The following TMTC4 variants were observed in gnomAD, a reference collection of about 807,000 sequenced individuals.
TMTC4 encodes the protein transmembrane O-mannosyltransferase targeting cadherins 4.
In TMTC4, 65 loss-of-function variants were observed where a neutral mutation model predicts 86.0. The observed-to-expected ratio is 0.76, with a 90% CI of 0.62 to 0.93. The LOEUF is 0.93. TMTC4 is among the 40% of genes least tolerant of loss of function. The probability of loss-of-function intolerance (pLI) is 0.00; values close to 1 mark genes in which losing one functional copy is unlikely to be tolerated. For synonymous variants in TMTC4, 379 were observed against 382.5 expected (o/e 0.99, Z 0.11); for missense variants, 866 against 948.1 (o/e 0.91, Z 1.14).
At chr13:100,637,453 G>T in intron 9 of TMTC4, 85 bp downstream of exon 9, 2 of 1,507,348 alleles carry the variant, frequency 1.3e-6, no homozygotes, top group Non-Finnish European at 1.8e-6. Context: ...GCGTGCAGAG[G>T]AGTGAGACGA....
At chr13:100,674,687 C>A (rs1887618223) in intron 1 of TMTC4, 57 bp downstream of exon 1, 5 of 983,270 alleles carry the variant, frequency 5.1e-6, no homozygotes, top group Non-Finnish European at 6.0e-6. Context: ...CGCTCCGCGT[C>A]CAACTCCGCT....
chr13:100,630,685 C>T (rs570996686), intron 12 of TMTC4, among the ~76,000 whole-genome samples: 6 of 152,282 alleles, frequency 3.9e-5, no homozygotes, highest in South Asian at 2.1e-4. Flanking sequence ...GACATCAACA[C>T]GACGCCCGCC....
At chr13:100,656,180 G>C (rs1216724704) in intron 6 of TMTC4, among the ~76,000 whole-genome samples, 1 of 152,222 alleles carries the variant, frequency 6.6e-6, no homozygotes, top group Non-Finnish European at 1.5e-5. Context: ...GTGAACACCA[G>C]TGTCAGAGCT....
intron 9 of TMTC4, among the ~76,000 whole-genome samples, chr13:100,637,309 CCTT>C (rs2138880472): frequency 6.6e-6 from 1 of 152,264 alleles, no homozygotes; most frequent in Non-Finnish European, 1.5e-5. Flanking sequence ...CCTCTTTACT[CCTT>C]GTTAGAACGG....
rs952082666 is a variant in TMTC4, at chr13:100,612,533, T to C, written c.1952-23A>G. ...TACCTGGGAGTGAAAAATGGAAAAA[T>C]AAAAGACATGTTAATGTTGTACTCG... On this transcript the variant is annotated intron_variant, in intron 16 of 18. Coordinates refer to ENST00000342624, the MANE Select transcript of TMTC4 (RefSeq NM_032813.5). The C allele has an allele frequency of 5.1e-6, 8 of 1,567,932 alleles. No individual in the cohort carries two copies. The Admixed American group carries it at 8.5e-5, about 17-fold the overall frequency.
At chr13:100,619,219 C>T (rs1297577955) in intron 15 of TMTC4, among the ~76,000 whole-genome samples, 3 of 151,920 alleles carry the variant, frequency 2.0e-5, no homozygotes, top group East Asian at 3.9e-4. Flanking sequence ...GGCAGAGGGG[C>T]TCCTCACTTC....
At chr13:100,641,997 G>A (rs562851939) in intron 7 of TMTC4, among the ~76,000 whole-genome samples, 160 of 152,268 alleles carry the variant, frequency 1.1e-3, no homozygotes, top group African/African-American at 3.6e-3. Flanking sequence ...CTCCCCAGTT[G>A]CACATGACTG....
chr13:100,641,844 T>C lies in TMTC4; in HGVS notation c.741+367A>G, dbSNP rs59593564. On this transcript the variant is annotated intron_variant, in intron 7 of 18. Coordinates refer to ENST00000342624, the MANE Select transcript of TMTC4 (RefSeq NM_032813.5). ...TTTCTAGATCCAGGATCAAAACCAT[T>C]GATGAGGTCAGTCCTAGGTGATCTA... is the stretch of plus-strand genomic sequence containing the variant. 4.3e-3 allele frequency among the ~76,000 whole-genome samples: 661 copies of C among 152,262 alleles called. 7 individuals are homozygous for C. The highest frequency in any genetic ancestry group is 0.015 in the African/African-American group (642 of 41,534).
At chr13:100,650,244 ATT>A (rs1413203489) in intron 6 of TMTC4, among the ~76,000 whole-genome samples, 2 of 152,218 alleles carry the variant, frequency 1.3e-5, no homozygotes, top group African/African-American at 4.8e-5. Flanking sequence ...GTTTCAGTAT[ATT>A]GTCTCTAGCA....
intron 5 of TMTC4, among the ~76,000 whole-genome samples, chr13:100,658,950 GT>G (rs1342620057): frequency 6.6e-5 from 10 of 152,198 alleles, no homozygotes; most frequent in African/African-American, 2.4e-4. Context: ...TCCAATCACT[GT>G]TTGAGAATGT....
Position 100,670,552 on chromosome 13 carries a change from C to T in TMTC4, c.-190G>A, listed in dbSNP as rs534959490. On this transcript the variant is annotated 5_prime_UTR_variant, in exon 2 of 19. Transcript: ENST00000342624. ...TTTCCAGTCAAAGGATAAACCACTT[C>T]TCGAATCTAAATTACAACTGCAAAC... 3 of 544,538 alleles carry T rather than the reference C, an allele frequency of 5.5e-6. No individual in the cohort carries two copies. In the East Asian group the frequency reaches 9.9e-5, roughly 18 times the overall value. 33.7% of individuals were successfully genotyped at this position (544,538 alleles called of 1,614,324 possible).
In TMTC4 at chr13:100,605,671, C is replaced by T. The variant is rs1030901612; in HGVS notation, c.2135-529G>A. On this transcript the variant is annotated intron_variant, in intron 18 of 18. Transcript: ENST00000342624. This position sits in a 1 kb window ranked among gnomAD's most constrained non-coding sequence, Gnocchi z 4.3. ...TAAACCTAATCATTAGGATGATTAG[C>T]CTCTGATCATGACAGTGATTTTGTT... Among the ~76,000 whole-genome samples the T allele has an allele frequency of 6.6e-6, 1 of 152,142 alleles. No individual in the cohort carries two copies. Among genetic ancestry groups the T allele is most frequent in the Admixed American group, 6.5e-5 (1 of 15,282 alleles).
chr13:100,606,810 G>A (rs781591706), intron 17 of TMTC4, among the ~76,000 whole-genome samples: 35 of 152,190 alleles, frequency 2.3e-4, no homozygotes, highest in Non-Finnish European at 4.1e-4. Flanking sequence ...AGAGCTCTTG[G>A]GGTAGCAGTT....
At chr13:100,648,773 A>G (rs1399490324) in intron 6 of TMTC4, among the ~76,000 whole-genome samples, 2 of 152,180 alleles carry the variant, frequency 1.3e-5, no homozygotes, top group East Asian at 3.8e-4. Flanking sequence ...TTGACCTCCC[A>G]GGCTCAAGCA....
intron 6 of TMTC4, among the ~76,000 whole-genome samples, chr13:100,649,474 G>A (rs187197259): frequency 6.6e-6 from 1 of 152,254 alleles, no homozygotes; most frequent in Admixed American, 6.5e-5. Flanking sequence ...CCAAGTGTGA[G>A]CATTTTAATA....
chr13:100,621,995 C>A (rs958497752), intron 15 of TMTC4, among the ~76,000 whole-genome samples: 1 of 152,180 alleles, frequency 6.6e-6, no homozygotes, highest in African/African-American at 2.4e-5. Flanking sequence ...GCCTCCCCTT[C>A]CCCCTGGGAA....
intron 15 of TMTC4, among the ~76,000 whole-genome samples, chr13:100,619,534 CT>C (rs1879163745): frequency 6.6e-6 from 1 of 152,186 alleles, no homozygotes; most frequent in South Asian, 2.1e-4. Context: ...GCAAGTCTGT[CT>C]TTTCTTCAGA....
intron 1 of TMTC4, 148 bp downstream of exon 1, chr13:100,674,596 A>C (rs1887602000): frequency 1.4e-5 from 14 of 981,832 alleles, no homozygotes; most frequent in African/African-American, 1.8e-5. Flanking sequence ...CAGGTCCCGG[A>C]ACCAACTCCT....
intron 15 of TMTC4, among the ~76,000 whole-genome samples, chr13:100,616,445 C>T (rs1878519479): frequency 6.6e-6 from 1 of 152,300 alleles, no homozygotes; most frequent in South Asian, 2.1e-4. Context: ...TCGTAATCCA[C>T]CTGCCTCGGA....
Sources: allele counts gnomAD v4.1 joint callset (sites outside exome capture counted in the v4.1 genomes callset), GRCh38; gene constraint gnomAD v4.1.1; non-coding constraint Gnocchi (gnomAD v3.1); transcripts MANE v1.5; gene names NCBI Gene and HGNC (gene_info 2026-07-23, HGNC 2026-07-21).